Variants in MTO1 observed in about 807,000 individuals in gnomAD.
The protein encoded by MTO1 is 5-taurinomethyluridine-[tRNA] synthase subunit MTO1, mitochondrial.
A neutral mutation model predicts 71.6 loss-of-function variants in MTO1; 46 were observed. The ratio of observed to expected loss-of-function variants is 0.64; its 90% CI spans 0.51 to 0.82. The LOEUF is 0.82. Among genes scored for constraint, MTO1 ranks in the 40% least tolerant of loss-of-function variants. MTO1 has a pLI of 0.00. For missense variants in MTO1, 773 were observed against 867.5 expected (o/e 0.89, Z 1.37); for synonymous variants, 297 against 312.1 (o/e 0.95, Z 0.51).
At chr6:73,467,496 C>T (rs1771032287) in intron 3 of MTO1, among the ~76,000 whole-genome samples, 1 of 151,518 alleles carries the variant, frequency 6.6e-6, no homozygotes, top group Non-Finnish European at 1.5e-5. Context: ...GCTTGAAATC[C>T]CAGCTACTCA....
chr6:73,492,995 T>TGTGTGTGTGTGTGTGTGTGTGTA (rs540252865), intron 10 of MTO1, among the ~76,000 whole-genome samples: 10 of 73,308 alleles, frequency 1.4e-4, no homozygotes, highest in African/African-American at 4.8e-4. Context: ...TGTGTGTGTA[T>TGTGTGTGTGTGTGTGTGTGTGTA]TTTTTTTTTT....
At chr6:73,467,614 A>AAATAAATAAATAAATAAAT (rs1771036511) in intron 3 of MTO1, among the ~76,000 whole-genome samples, 1 of 143,494 alleles carries the variant, frequency 7.0e-6, no homozygotes, top group East Asian at 2.0e-4. Context: ...ACTCTGTCTC[A>AAATAAATAAATAAATAAAT]AAATAAATAA....
intron 3 of MTO1, among the ~76,000 whole-genome samples, chr6:73,469,619 T>C (rs905859668): frequency 3.2e-4 from 43 of 135,918 alleles, no homozygotes; most frequent in African/African-American, 1.2e-3. Flanking sequence ...TGAGACTCCA[T>C]CTCTAAATAA....
chr6:73,491,838 C>T (rs1329240419), intron 9 of MTO1, among the ~76,000 whole-genome samples: 4 of 152,204 alleles, frequency 2.6e-5, no homozygotes, highest in South Asian at 4.1e-4. Context: ...CTTTTGGGGC[C>T]GGGCGCAGTG....
At chr6:73,492,952 AAT>A (rs1160464402) in intron 10 of MTO1, among the ~76,000 whole-genome samples, 2 of 143,114 alleles carry the variant, frequency 1.4e-5, no homozygotes, top group Non-Finnish European at 1.5e-5. Context: ...CCTATAAATA[AAT>A]ATATATATAA....
At chr6:73,482,861 G>A (rs1020394732) in intron 9 of MTO1, among the ~76,000 whole-genome samples, 1 of 129,834 alleles carries the variant, frequency 7.7e-6, no homozygotes, top group East Asian at 2.3e-4. Flanking sequence ...GTGCGATCTC[G>A]GCTCACTGCA....
chr6:73,466,107 A>G (rs1184268210), intron 1 of MTO1, 102 bp from the exon 2 acceptor site: 2 of 1,050,780 alleles, frequency 1.9e-6, no homozygotes, highest in Non-Finnish European at 2.8e-6. Flanking sequence ...ATTTTTTATC[A>G]TATGAGATGA....
intron 10 of MTO1, among the ~76,000 whole-genome samples, chr6:73,494,479 CTTT>C (rs757447983): frequency 1.5e-5 from 2 of 136,174 alleles, no homozygotes; most frequent in African/African-American, 2.7e-5. Flanking sequence ...CTTTTTTTTT[CTTT>C]TTTTTTTTTT....
Position 73,492,103 on chromosome 6 carries a change from CAA to C in MTO1, c.1638-117_1638-116del, listed in dbSNP as rs5877369. ...TGGGCGACAGAGCGAGACTCCATCT[CAA>C]AAAAAAAAAAAAAGAAATAATCTTT... On this transcript the variant is annotated intron_variant, in intron 9 of 11. Transcript: ENST00000498286. The C allele has an allele frequency of 0.38, 178,349 of 473,442 alleles. 10,108 individuals are homozygous for C. The highest frequency in any genetic ancestry group is 0.45 in the South Asian group (19,965 of 44,278). The allele number at this position is 473,442 out of a possible 1,614,324, so 29.3% of individuals were successfully genotyped here. A position where few individuals can be genotyped will look rare whatever the true frequency, so the allele number is the denominator to read the frequency against.
chr6:73,490,233 G>C (rs1166662690), intron 9 of MTO1, among the ~76,000 whole-genome samples: 1 of 152,146 alleles, frequency 6.6e-6, no homozygotes, highest in African/African-American at 2.4e-5. Context: ...CTCCCATTCT[G>C]TAGGTTGCCT....
chr6:73,470,267 C>T (rs898593576), intron 3 of MTO1, among the ~76,000 whole-genome samples: 2 of 151,780 alleles, frequency 1.3e-5, no homozygotes, highest in Non-Finnish European at 2.9e-5. Flanking sequence ...AGTGCAATGG[C>T]GTGATCTCGG....
chr6:73,482,155 C>G lies in MTO1; in HGVS notation c.1376C>G (p.Thr459Ser). The G allele has an allele frequency of 6.2e-7, 1 of 1,614,150 alleles. No individual in the cohort carries two copies. The highest frequency in any genetic ancestry group is 8.5e-7 in the Non-Finnish European group (1 of 1,180,028). ...VLIDDLTTLG[T>S]SEPYRMFTSR... The stretch of plus-strand genomic sequence containing the variant: ...ATTGATGACCTCACTACTCTGGGCA[C>G]CAGTGAACCATACCGCATGTTTACC... Residue 459 changes from threonine (T) to serine (S), a missense_variant, in exon 8 of 12, where the codon ACC becomes AGC. Thr to Ser is a moderately conservative substitution (Grantham distance 58). Transcript: ENST00000498286.
intron 6 of MTO1, 115 bp from the exon 7 acceptor site, chr6:73,480,560 G>T: frequency 7.5e-7 from 1 of 1,341,758 alleles, no homozygotes; most frequent in Non-Finnish European, 1.0e-6. Flanking sequence ...GTGAGCCACT[G>T]CTCCTGACCT....
intron 3 of MTO1, among the ~76,000 whole-genome samples, chr6:73,471,149 G>T (rs1771152023): frequency 6.8e-6 from 1 of 146,750 alleles, no homozygotes. Context: ...CTGTTCCTCT[G>T]TACCTTTTTT....
Position 73,473,786 on chromosome 6 carries a change from AT to A in MTO1, c.825+150del, listed in dbSNP as rs112494055. ...CTATTGCTTATAGTGCAAAGAAATG[AT>A]TTTTTTTTTTTTTTTTTGAGATAAG... On this transcript the variant is annotated intron_variant, in intron 4 of 11. Coordinates refer to ENST00000498286, the MANE Select transcript of MTO1 (RefSeq NM_012123.4). The A allele has an allele frequency of 0.29, 133,956 of 454,244 alleles. 1,339 individuals are homozygous for A. Among genetic ancestry groups the A allele is most frequent in the East Asian group, 0.33 (7,415 of 22,396 alleles). The allele number at this position is 454,244 out of a possible 1,614,324, so 28.1% of individuals were successfully genotyped here.
At chr6:73,477,393 CAAAAAAAAA>C (rs34672070) in intron 4 of MTO1, among the ~76,000 whole-genome samples, 2 of 73,202 alleles carry the variant, frequency 2.7e-5, no homozygotes, top group Non-Finnish European at 5.1e-5. Flanking sequence ...GACTATGTCT[CAAAAAAAAA>C]AAAAAAAAAA....
At chr6:73,498,937 TG>T (rs1772076206) in intron 11 of MTO1, among the ~76,000 whole-genome samples, 2 of 151,912 alleles carry the variant, frequency 1.3e-5, no homozygotes, top group South Asian at 4.2e-4. Context: ...CCATGTTGGC[TG>T]GGATGGTCTC....
In MTO1 at chr6:73,462,043, G is replaced by A. The variant is rs1224310551; in HGVS notation, c.189G>A (p.Leu63=). 1.2e-6 allele frequency: 2 copies of A among 1,613,880 alleles called. No homozygotes were observed. Among genetic ancestry groups the A allele is most frequent in the South Asian group, 1.1e-5 (1 of 91,080 alleles). ...CCGCTCGGTGCGGCTCTCGGACTCT[G>A]CTCCTCACTCACCGCGTGGACACGA... The part of the protein sequence containing the change: ...TAAARCGSRT[L]LLTHRVDTIG... The change falls in exon 1 of 12, where the codon CTG becomes CTA. Residue 63 remains leucine (L), a synonymous_variant. Coordinates refer to ENST00000498286, the MANE Select transcript of MTO1 (RefSeq NM_012123.4).
At chr6:73,476,124 A>G (rs1771310264) in intron 4 of MTO1, among the ~76,000 whole-genome samples, 1 of 151,764 alleles carries the variant, frequency 6.6e-6, no homozygotes, top group Non-Finnish European at 1.5e-5. Context: ...ACAGTTTGGG[A>G]GGCTGAGGCA....
Sources: allele counts gnomAD v4.1 joint callset (sites outside exome capture counted in the v4.1 genomes callset), GRCh38; gene constraint gnomAD v4.1.1; transcripts MANE v1.5; gene names NCBI Gene and HGNC (gene_info 2026-07-23, HGNC 2026-07-21).